Variants in THSD7A observed in about 807,000 individuals in gnomAD.
THSD7A encodes thrombospondin type 1 domain containing 7A.
Under a neutral mutation model 231.3 loss-of-function variants are expected in THSD7A, and 96 were observed. That is an observed-to-expected ratio of 0.41 (90% CI 0.35 to 0.49). The LOEUF (loss-of-function observed/expected upper bound fraction) is 0.49, where lower values mean the gene tolerates loss of function less well. Ranked by LOEUF, THSD7A falls within the 20% of genes least tolerant of loss-of-function variation. The pLI, the probability that THSD7A is intolerant of heterozygous loss-of-function variation, is 0.05. For missense variants in THSD7A, 2,290 were observed against 2,070.2 expected, an observed-to-expected ratio of 1.11 and a Z score of -2.06; for synonymous variants, 940 against 743.3, an observed-to-expected ratio of 1.26 and a Z score of -4.30.
At position 11,374,492 on chromosome 7, in the gene THSD7A, A is replaced by G. The variant is rs1782184856; in HGVS notation, c.*1302T>C. On this transcript the variant is annotated 3_prime_UTR_variant, in exon 28 of 28. Transcript: ENST00000423059. ...ATAACTGCCTGCAAGACAGACATTCAATCTGAAACTGGGAAATCAGAGAGA... is the reference window on the plus strand; with the variant it reads ...ATAACTGCCTGCAAGACAGACATTCGATCTGAAACTGGGAAATCAGAGAGA... 1 of 152,136 alleles carries G rather than the reference A, an allele frequency of 6.6e-6. No homozygotes were observed. The highest frequency in any genetic ancestry group is 1.5e-5 in the Non-Finnish European group (1 of 68,002). 9.4% of individuals were successfully genotyped at this position (152,136 alleles called of 1,614,324 possible). A position where few individuals can be genotyped will look rare whatever the true frequency, so the allele number is the denominator to read the frequency against.
intron 1 of THSD7A, among the ~76,000 whole-genome samples, chr7:11,743,659 G>A (rs1003722340): frequency 1.3e-5 from 2 of 151,498 alleles, no homozygotes; most frequent in Non-Finnish European, 2.9e-5. Context: ...GGAGGAAAGT[G>A]ATGTGAACAC....
intron 1 of THSD7A, among the ~76,000 whole-genome samples, chr7:11,679,358 G>A (rs1783774392): frequency 6.6e-6 from 1 of 152,100 alleles, no homozygotes; most frequent in Admixed American, 6.6e-5. Context: ...GGGCAGCCAG[G>A]CAAGGGAAAG....
intron 1 of THSD7A, among the ~76,000 whole-genome samples, chr7:11,822,255 T>G (rs1457967685): frequency 1.3e-5 from 2 of 152,160 alleles, no homozygotes; most frequent in Non-Finnish European, 2.9e-5. Flanking sequence ...TACATCTATG[T>G]GTACAAATTT....
intron 1 of THSD7A, among the ~76,000 whole-genome samples, chr7:11,830,551 C>T (rs148595700): frequency 6.6e-6 from 1 of 152,178 alleles, no homozygotes; most frequent in Non-Finnish European, 1.5e-5. Context: ...CAAGAATAAT[C>T]TTGCTTTTTA....
At chr7:11,429,149 G>A (rs373740995) in intron 13 of THSD7A, 24 bp from the exon 14 acceptor site, 3 of 1,535,188 alleles carry the variant, frequency 2.0e-6, no homozygotes, top group Non-Finnish European at 2.6e-6. Context: ...AATGAGACAA[G>A]AATCATCTCC....
At chr7:11,668,434 G>A (rs143857869) in intron 1 of THSD7A, among the ~76,000 whole-genome samples, 5,850 of 131,202 alleles carry the variant, frequency 0.045, 382 homozygotes, top group African/African-American at 0.15. Flanking sequence ...AAGAAAGAAA[G>A]AAAAGAAAGA....
At chr7:11,587,781 T>A (rs939046036) in intron 4 of THSD7A, among the ~76,000 whole-genome samples, 2 of 152,216 alleles carry the variant, frequency 1.3e-5, no homozygotes, top group African/African-American at 4.8e-5. Context: ...AGGTAGTCAG[T>A]ATCATTCCCC....
At chr7:11,409,903 C>T (rs1041503779) in intron 19 of THSD7A, among the ~76,000 whole-genome samples, 5 of 151,936 alleles carry the variant, frequency 3.3e-5, no homozygotes, top group African/African-American at 4.8e-5. Flanking sequence ...CCACCACGCC[C>T]GGCTAATTTT....
intron 1 of THSD7A, among the ~76,000 whole-genome samples, chr7:11,721,174 G>A (rs1328226986): frequency 2.0e-5 from 3 of 151,702 alleles, no homozygotes; most frequent in African/African-American, 7.3e-5. Context: ...CTAGTCCTAA[G>A]GAATCCTGAA....
intron 1 of THSD7A, among the ~76,000 whole-genome samples, chr7:11,770,828 C>T (rs373859198): frequency 3.3e-5 from 5 of 151,758 alleles, no homozygotes; most frequent in Admixed American, 6.6e-5. Context: ...TTTTTGGCTA[C>T]GTAGAAGTAT....
chr7:11,813,499 G>A (rs1215023252), intron 1 of THSD7A, among the ~76,000 whole-genome samples: 2 of 151,980 alleles, frequency 1.3e-5, no homozygotes, highest in Admixed American at 1.3e-4. Context: ...GGATCACGAG[G>A]TCAGGAGATC....
chr7:11,528,844 CT>C (rs1008001305), intron 6 of THSD7A, among the ~76,000 whole-genome samples: 9 of 151,584 alleles, frequency 5.9e-5, no homozygotes, highest in South Asian at 2.1e-4. Context: ...TTCCTGGTGA[CT>C]TTTTTTTTGA....
chr7:11,414,939 T>C (rs1405475391), intron 17 of THSD7A, among the ~76,000 whole-genome samples: 2 of 152,222 alleles, frequency 1.3e-5, no homozygotes, highest in Admixed American at 6.5e-5. Flanking sequence ...TTAGTTGGTA[T>C]CTGTTTAATG....
intron 4 of THSD7A, among the ~76,000 whole-genome samples, chr7:11,579,995 C>A (rs924448676): frequency 1.3e-5 from 2 of 152,042 alleles, no homozygotes; most frequent in Non-Finnish European, 2.9e-5. Context: ...CCTTCTAAGG[C>A]CCTGGCAGAG....
At chr7:11,501,110 G>C (rs191680838) in intron 6 of THSD7A, among the ~76,000 whole-genome samples, 9 of 151,716 alleles carry the variant, frequency 5.9e-5, no homozygotes, top group African/African-American at 2.2e-4. Flanking sequence ...CTCAACACAG[G>C]AACACCCAGA....
intron 6 of THSD7A, among the ~76,000 whole-genome samples, chr7:11,527,421 C>T (rs576348971): frequency 1.1e-4 from 17 of 152,058 alleles, no homozygotes; most frequent in Non-Finnish European, 1.9e-4. Flanking sequence ...GCACTTTAGC[C>T]ACTCCCACTC....
Position 11,370,979 on chromosome 7 carries a change from A to C in THSD7A, c.*4815T>G. 1 of 152,164 alleles carries C rather than the reference A, an allele frequency of 6.6e-6. No homozygotes were observed. Among genetic ancestry groups the C allele is most frequent in the East Asian group, 1.9e-4 (1 of 5,188 alleles). The allele number at this position is 152,164 out of a possible 1,614,324, so 9.4% of individuals were successfully genotyped here. On this transcript the variant is annotated 3_prime_UTR_variant, in exon 28 of 28. Coordinates refer to ENST00000423059, the MANE Select transcript of THSD7A (RefSeq NM_015204.3). The stretch of plus-strand genomic sequence containing the variant: ...GTAGGTAATCTAGAAACTATGGCTT[A>C]AAAACAATAAATCTACAAAACACAA...
intron 6 of THSD7A, among the ~76,000 whole-genome samples, chr7:11,501,027 C>T (rs555740680): frequency 1.4e-5 from 2 of 148,002 alleles, no homozygotes; most frequent in Admixed American, 1.3e-4. Context: ...AAAAAAAAGA[C>T]AAGGAAGGGC....
chr7:11,646,368 G>A (rs887501573), intron 1 of THSD7A, among the ~76,000 whole-genome samples: 1 of 152,002 alleles, frequency 6.6e-6, no homozygotes, highest in Non-Finnish European at 1.5e-5. Context: ...AATAGAAATT[G>A]TTGATCATAA....
Sources: gnomAD v4.1 joint callset for allele counts (sites outside exome capture counted in the v4.1 genomes callset) on GRCh38, gnomAD v4.1.1 for gene constraint, MANE v1.5 for transcripts, NCBI Gene and HGNC (gene_info 2026-07-23, HGNC 2026-07-21) for gene names.